Variants in UPF3B observed in about 807,000 individuals in gnomAD.
UPF3B encodes the protein UPF3B regulator of nonsense mediated mRNA decay.
In UPF3B, 7 loss-of-function variants were observed where a neutral mutation model predicts 40.3. That is an observed-to-expected ratio of 0.17 (90% CI 0.10 to 0.33). UPF3B has a LOEUF of 0.33. Among genes scored for constraint, UPF3B ranks in the 10% least tolerant of loss-of-function variants. The pLI, the probability that UPF3B is intolerant of heterozygous loss-of-function variation, is 1.00. For missense variants in UPF3B, 229 were observed against 358.9 expected, an observed-to-expected ratio of 0.64 and a Z score of 2.93; for synonymous variants, 117 against 117.3, an observed-to-expected ratio of 1.00 and a Z score of 0.01.
chrX:119,825,875 T>C (rs2055973411), intron 3 of UPF3B, among the ~76,000 whole-genome samples: 1 of 111,662 alleles, frequency 9.0e-6, no homozygotes, highest in South Asian at 3.7e-4. Context: ...AACTGAAGAG[T>C]CAGCCAGGTG....
intron 4 of UPF3B, among the ~76,000 whole-genome samples, chrX:119,818,848 A>T (rs776077657): frequency 9.0e-6 from 1 of 111,330 alleles, no homozygotes; most frequent in Admixed American, 9.7e-5. Context: ...CTATTGGGAA[A>T]GTGTAACGGG....
chrX:119,839,476 G>T (rs1260514212), intron 8 of UPF3B, among the ~76,000 whole-genome samples: 6 of 112,544 alleles, frequency 5.3e-5, no homozygotes, highest in Admixed American at 4.7e-4. Flanking sequence ...GTTCAAAAAT[G>T]CCATTGTTTT....
In UPF3B at chrX:119,852,862, T is replaced by A; in HGVS notation, c.67A>T (p.Thr23Ser). Residue 23 changes from threonine (T) to serine (S), a missense_variant, in exon 1 of 11, where the codon ACA (threonine) becomes TCA (serine). Transcript: ENST00000276201. ...CCCGAGGTCCCACCACCGCTGCCTG[T>A]GGCCCCGGCGGGGGTTAACAGGGTT... Reference protein sequence around the residue: ...RVTLLTPAGATGSGGGTSGDS... With the variant: ...RVTLLTPAGASGSGGGTSGDS... 1.6e-6 allele frequency: 2 copies of A among 1,212,388 alleles called. No individual in the cohort carries two copies. Among genetic ancestry groups the A allele is most frequent in the Non-Finnish European group, 2.2e-6 (2 of 895,630 alleles).
intron 3 of UPF3B, among the ~76,000 whole-genome samples, chrX:119,826,963 A>G (rs759903128): frequency 2.0e-4 from 22 of 112,367 alleles, no homozygotes; most frequent in Non-Finnish European, 3.9e-4. Context: ...CCAGAAAATA[A>G]TAACATCTGC....
chrX:119,817,485 C>G (rs752762592), intron 4 of UPF3B, among the ~76,000 whole-genome samples: 5 of 112,122 alleles, frequency 4.5e-5, no homozygotes, highest in African/African-American at 9.7e-5. Flanking sequence ...AATCCAATCA[C>G]CTCCTACCAA....
chrX:119,814,855 CTTTCTT>C (rs1205768603), intron 5 of UPF3B, among the ~76,000 whole-genome samples: 7 of 80,902 alleles, frequency 8.7e-5, no homozygotes, highest in East Asian at 7.9e-4. Context: ...TCTTTTCTTT[CTTTCTT>C]TTTTTTTTTT....
intron 3 of UPF3B, among the ~76,000 whole-genome samples, chrX:119,827,092 A>G (rs1224428115): frequency 8.9e-6 from 1 of 111,896 alleles, no homozygotes; most frequent in Non-Finnish European, 1.9e-5. Context: ...CTCTCATCAA[A>G]CAAGAGCAAT....
intron 5 of UPF3B, among the ~76,000 whole-genome samples, chrX:119,811,050 T>C (rs772795283): frequency 9.1e-6 from 1 of 109,603 alleles, no homozygotes; most frequent in African/African-American, 3.3e-5. Context: ...AACTTTTTTT[T>C]TTTTTTGAGA....
chrX:119,841,631 A>G (rs1414841888), intron 6 of UPF3B, 104 bp downstream of exon 6: 5 of 808,855 alleles, frequency 6.2e-6, no homozygotes, highest in Non-Finnish European at 5.6e-6. Flanking sequence ...ATGGTGGAAA[A>G]AGCAGCTATT....
intron 9 of UPF3B, 154 bp from the exon 10 acceptor site, chrX:119,838,205 A>G (rs1404655403): frequency 5.4e-6 from 5 of 919,829 alleles, no homozygotes; most frequent in Non-Finnish European, 7.7e-6. Context: ...AAACCCCAAA[A>G]CCATTCACCC....
chrX:119,833,260 T>A (rs1416065751), downstream of UPF3B, among the ~76,000 whole-genome samples: 1 of 112,724 alleles, frequency 8.9e-6, no homozygotes, highest in Non-Finnish European at 1.9e-5. Flanking sequence ...CAAACATGTA[T>A]CTGAACAAAA....
rs770461601 is a variant in UPF3B at position 119,837,815 on chromosome X, C to T, written c.1244G>A (p.Ser415Asn). The T allele has an allele frequency of 4.1e-6, 5 of 1,208,051 alleles. No individual in the cohort carries two copies. Among genetic ancestry groups the T allele is most frequent in the Non-Finnish European group, 5.6e-6 (5 of 894,800 alleles). ...KKAESTESIG[S>N]SEKTEKKEEV... ...TTCTTTCTTTTCAGTTTTTTCTGAG[C>T]TGCCTATTGATTCTGTACTTTCAGC... is the stretch of plus-strand genomic sequence containing the variant. The change falls in exon 10 of 11, where the codon AGC becomes AAC. Residue 415 changes from serine to asparagine, a missense_variant. Physicochemically the swap from Ser to Asn is conservative, Grantham distance 46 (BLOSUM62 1). Transcript: ENST00000276201.
At chrX:119,817,126 C>A (rs959198576) in intron 4 of UPF3B, among the ~76,000 whole-genome samples, 1 of 110,967 alleles carries the variant, frequency 9.0e-6, no homozygotes, top group Non-Finnish European at 1.9e-5. Context: ...GGCATAAGCA[C>A]ACCCAGCTAA....
chrX:119,849,982 GAT>G (rs1337152534), intron 3 of UPF3B, among the ~76,000 whole-genome samples: 1 of 107,830 alleles, frequency 9.3e-6, no homozygotes, highest in Non-Finnish European at 1.9e-5. Context: ...ATGAGGAAAG[GAT>G]AGTCTCTTTA....
chrX:119,818,268 AAAC>A (rs1236439885), intron 4 of UPF3B, among the ~76,000 whole-genome samples: 1 of 109,852 alleles, frequency 9.1e-6, no homozygotes, highest in African/African-American at 3.3e-5. Flanking sequence ...CCGTCTTAAA[AAAC>A]AACAACAACA....
intron 6 of UPF3B, chrX:119,807,355 T>A: frequency 1.2e-6 from 1 of 837,661 alleles, no homozygotes. Context: ...TTCTTTGCCC[T>A]GAAGGCACTT....
chrX:119,817,404 T>TG (rs2147758501), intron 4 of UPF3B, among the ~76,000 whole-genome samples: 1 of 111,936 alleles, frequency 8.9e-6, no homozygotes, highest in African/African-American at 3.2e-5. Flanking sequence ...AAAACTGCCT[T>TG]GTTTAAAACC....
chrX:119,820,439 C>T (rs1032211790), intron 4 of UPF3B, among the ~76,000 whole-genome samples: 2 of 106,420 alleles, frequency 1.9e-5, no homozygotes, highest in Admixed American at 2.0e-4. Flanking sequence ...GCATGTGCCA[C>T]CAAGCCCGGC....
chrX:119,822,855 A>G (rs1269451507), intron 4 of UPF3B: 2 of 477,452 alleles, frequency 4.2e-6, no homozygotes, highest in South Asian at 6.7e-5. Context: ...TGATCCACCC[A>G]TATCGGCCTC....
Sources: allele counts gnomAD v4.1 joint callset (sites outside exome capture counted in the v4.1 genomes callset), GRCh38; gene constraint gnomAD v4.1.1; transcripts MANE v1.5; gene names NCBI Gene and HGNC (gene_info 2026-07-23, HGNC 2026-07-21).